ASXL3: variants seen among roughly 807,000 people sequenced by gnomAD.
The protein encoded by ASXL3 is putative Polycomb group protein ASXL3.
Under a neutral mutation model 170.6 loss-of-function variants are expected in ASXL3, and 34 were observed. The ratio of observed to expected loss-of-function variants is 0.20; its 90% CI spans 0.15 to 0.27. The LOEUF (loss-of-function observed/expected upper bound fraction) is 0.27. Among genes scored for constraint, ASXL3 ranks in the 10% least tolerant of loss-of-function variants. The pLI, the probability that ASXL3 is intolerant of heterozygous loss-of-function variation, is 1.00. For missense variants in ASXL3, 2,592 were observed against 2,695.3 expected, an observed-to-expected ratio of 0.96 and a Z score of 0.85; for synonymous variants, 1,002 against 989.1, an observed-to-expected ratio of 1.01 and a Z score of -0.24.
rs2067619682 is a variant in ASXL3, at chr18:33,739,623, C to G, written c.2219C>G (p.Thr740Ser). The stretch of plus-strand genomic sequence containing the variant: ...TCTTCCATGCTTCTCACCTCTGAGA[C>G]CACTTTTGTATCCAGTTTGCCACTT... ...SVSSMLLTSE[T>S]TFVSSLPLPS... is the part of the protein sequence containing the mutation. Residue 740 changes from threonine to serine, a missense_variant, in exon 11 of 12, where the codon ACC becomes AGC. By Grantham distance (58) the Thr-to-Ser change is moderately conservative. Transcript: ENST00000269197. 6.2e-7 allele frequency: 1 copy of G among 1,613,936 alleles called. No individual in the cohort carries two copies. Among genetic ancestry groups the G allele is most frequent in the Non-Finnish European group, 8.5e-7 (1 of 1,179,852 alleles).
intron 10 of ASXL3, among the ~76,000 whole-genome samples, chr18:33,735,772 ATT>A (rs142378684): frequency 6.6e-6 from 1 of 152,104 alleles, no homozygotes; most frequent in Non-Finnish European, 1.5e-5. Flanking sequence ...TTGGTTCTTA[ATT>A]TTTTAGTGAT....
intron 2 of ASXL3, among the ~76,000 whole-genome samples, chr18:33,621,456 G>A (rs1217634145): frequency 3.3e-5 from 5 of 152,164 alleles, no homozygotes. Flanking sequence ...AATTACTTTT[G>A]CACCTACCTA....
intron 4 of ASXL3, among the ~76,000 whole-genome samples, chr18:33,654,263 AAAACAG>A (rs2145217263): frequency 6.6e-6 from 1 of 152,180 alleles, no homozygotes; most frequent in African/African-American, 2.4e-5. Flanking sequence ...CTACTTCTCA[AAAACAG>A]AATTGAAGGT....
intron 8 of ASXL3, among the ~76,000 whole-genome samples, chr18:33,697,581 A>G (rs2066792825): frequency 6.6e-6 from 1 of 152,066 alleles, no homozygotes; most frequent in African/African-American, 2.4e-5. Flanking sequence ...AAGGCGTATG[A>G]TTTTCCAATC....
intron 1 of ASXL3, among the ~76,000 whole-genome samples, chr18:33,588,069 GTA>G (rs892204040): frequency 2.0e-5 from 3 of 151,548 alleles, no homozygotes; most frequent in African/African-American, 4.8e-5. Flanking sequence ...GTATGTGTGT[GTA>G]TATATATATA....
intron 8 of ASXL3, among the ~76,000 whole-genome samples, chr18:33,701,410 C>T (rs2066872210): frequency 6.6e-6 from 1 of 152,024 alleles, no homozygotes; most frequent in Non-Finnish European, 1.5e-5. Flanking sequence ...AATACCAAGT[C>T]CTCTGATCTG....
At chr18:33,730,054 G>A (rs1317819450) in intron 8 of ASXL3, among the ~76,000 whole-genome samples, 2 of 152,128 alleles carry the variant, frequency 1.3e-5, no homozygotes, top group Admixed American at 6.5e-5. Context: ...TTTGGCTACA[G>A]TGGGTCCCTT....
chr18:33,585,225 G>A (rs1599369442), intron 1 of ASXL3, among the ~76,000 whole-genome samples: 2 of 151,892 alleles, frequency 1.3e-5, no homozygotes, highest in Admixed American at 6.6e-5. Context: ...CTTCCTGATA[G>A]GGCCAGGAGG....
At chr18:33,670,635 T>C (rs1390902070) in intron 5 of ASXL3, 38 bp from the exon 6 acceptor site, 5 of 1,413,922 alleles carry the variant, frequency 3.5e-6, no homozygotes, top group Non-Finnish European at 4.8e-6. Context: ...TTATTTTGGC[T>C]ATATTTTTAT....
In ASXL3 at chr18:33,589,455, G is replaced by A. The variant is rs557968702; in HGVS notation, c.54+10770G>A. 2.6e-5 allele frequency among the ~76,000 whole-genome samples: 4 copies of A among 152,178 alleles called. No homozygotes were observed. The East Asian group carries it at 5.8e-4, about 22-fold the overall frequency. ...AAAGTGAAACTGGTTCATGGTACCC[G>A]CTTTGAGTCTAAGTACTGTAGGAAA... On this transcript the variant is annotated intron_variant, in intron 1 of 11. Transcript: ENST00000269197.
intron 1 of ASXL3, among the ~76,000 whole-genome samples, chr18:33,606,229 G>C (rs186635923): frequency 9.9e-5 from 15 of 151,900 alleles, no homozygotes; most frequent in African/African-American, 3.6e-4. Flanking sequence ...CACCTCTACA[G>C]TGTCCTCTTC....
At chr18:33,643,964 G>A (rs2065881478) in intron 2 of ASXL3, among the ~76,000 whole-genome samples, 1 of 151,776 alleles carries the variant, frequency 6.6e-6, no homozygotes, top group African/African-American at 2.4e-5. Context: ...GTATATGGAT[G>A]TATAATTTTA....
intron 3 of ASXL3, among the ~76,000 whole-genome samples, 165 bp from the exon 4 acceptor site, chr18:33,646,080 G>GTT (rs1212722260): frequency 1.4e-5 from 2 of 145,816 alleles, no homozygotes; most frequent in African/African-American, 2.5e-5. Context: ...GCTTTACCCA[G>GTT]TTTTTTTTTT....
intron 2 of ASXL3, among the ~76,000 whole-genome samples, chr18:33,610,817 TA>T (rs2065325371): frequency 6.6e-6 from 1 of 152,056 alleles, no homozygotes; most frequent in African/African-American, 2.4e-5. Context: ...TAATAGTAGT[TA>T]TTTTTAACAT....
chr18:33,648,917 C>CT (rs1277056157), intron 4 of ASXL3, among the ~76,000 whole-genome samples: 2 of 151,980 alleles, frequency 1.3e-5, no homozygotes, highest in African/African-American at 4.8e-5. Context: ...CTGGATTTAC[C>CT]TTTATGAGTG....
intron 2 of ASXL3, among the ~76,000 whole-genome samples, chr18:33,623,260 T>C (rs1267423542): frequency 6.6e-6 from 1 of 152,164 alleles, no homozygotes; most frequent in African/African-American, 2.4e-5. Context: ...ACTCTCTCAA[T>C]TTTTCTTGTA....
In ASXL3 at chr18:33,743,240, C is replaced by T; in HGVS notation, c.3392C>T (p.Pro1131Leu). ...ACCTCTAAAGAGACCCGGTTGCCTCCTCCGCTCAGCTCAAAGGAAGGGCCT... is the reference window on the plus strand; with the variant it reads ...ACCTCTAAAGAGACCCGGTTGCCTCTTCCGCTCAGCTCAAAGGAAGGGCCT... ...FQTSKETRLP[P>L]PLSSKEGPPN... The change falls in exon 12 of 12, where the codon CCT becomes CTT. Residue 1131 changes from proline (P) to leucine (L), a missense_variant. Pro to Leu is a moderately conservative substitution (Grantham distance 98). Coordinates refer to ENST00000269197, the MANE Select transcript of ASXL3 (RefSeq NM_030632.3). The T allele has an allele frequency of 6.2e-7, 1 of 1,613,972 alleles. No individual in the cohort carries two copies. The highest frequency in any genetic ancestry group is 2.2e-5 in the East Asian group (1 of 44,884).
intron 2 of ASXL3, among the ~76,000 whole-genome samples, chr18:33,633,671 G>A (rs999800219): frequency 6.6e-6 from 1 of 151,740 alleles, no homozygotes; most frequent in African/African-American, 2.4e-5. Context: ...GCAAAACCCT[G>A]TCTCTACTAA....
intron 4 of ASXL3, among the ~76,000 whole-genome samples, chr18:33,654,570 T>TTTTGCTGATCTCC (rs1176144110): frequency 6.6e-6 from 1 of 152,072 alleles, no homozygotes; most frequent in Non-Finnish European, 1.5e-5. Context: ...TGTGCCAAAC[T>TTTTGCTGATCTCC]TTTGCTGATC....
Sources: gnomAD v4.1 joint callset for allele counts (sites outside exome capture counted in the v4.1 genomes callset) on GRCh38, gnomAD v4.1.1 for gene constraint, MANE v1.5 for transcripts, NCBI Gene and HGNC (gene_info 2026-07-23, HGNC 2026-07-21) for gene names.